VRK1: variants seen among roughly 807,000 people sequenced by gnomAD.
VRK1 encodes VRK serine/threonine kinase 1.
VRK1 carries 33 observed loss-of-function variants against 57.1 expected under a neutral mutation model. That is an observed-to-expected ratio of 0.58 (90% confidence interval 0.44 to 0.77). The LOEUF (loss-of-function observed/expected upper bound fraction) is 0.77, where lower values mean the gene tolerates loss of function less well. Among genes scored for constraint, VRK1 ranks in the 30% least tolerant of loss-of-function variants. VRK1 has a pLI of 0.00. For synonymous variants in VRK1, 137 were observed against 147.8 expected, an observed-to-expected ratio of 0.93 and a Z score of 0.53; for missense variants, 413 against 477.3, an observed-to-expected ratio of 0.87 and a Z score of 1.25.
At chr14:96,802,023 GAA>G (rs997752655) in intron 1 of VRK1, among the ~76,000 whole-genome samples, 1 of 152,042 alleles carries the variant, frequency 6.6e-6, no homozygotes, top group Non-Finnish European at 1.5e-5. Context: ...TGGGAATCAG[GAA>G]AAAAGTTTTA....
chr14:96,833,301 C>G (rs1395245343), intron 1 of VRK1, among the ~76,000 whole-genome samples, 166 bp from the exon 2 acceptor site: 1 of 152,112 alleles, frequency 6.6e-6, no homozygotes, highest in Non-Finnish European at 1.5e-5. Flanking sequence ...AAGAGATAAT[C>G]AAATAGGATT....
chr14:96,877,085 T>C (rs897318520), intron 12 of VRK1, among the ~76,000 whole-genome samples: 1 of 151,928 alleles, frequency 6.6e-6, no homozygotes, highest in African/African-American at 2.4e-5. Context: ...TTTTTTGAAT[T>C]ATTATTTTGT....
chr14:96,824,872 C>G (rs1258440974), intron 1 of VRK1, among the ~76,000 whole-genome samples: 1 of 151,940 alleles, frequency 6.6e-6, no homozygotes, highest in East Asian at 1.9e-4. Flanking sequence ...CCAGGATGGT[C>G]TCGATCTCCT....
chr14:96,802,342 A>C (rs1382442343), intron 1 of VRK1, among the ~76,000 whole-genome samples: 1 of 152,196 alleles, frequency 6.6e-6, no homozygotes, highest in African/African-American at 2.4e-5. Context: ...ATAGCTAAAA[A>C]CCAGAAACAA....
intron 11 of VRK1, among the ~76,000 whole-genome samples, chr14:96,869,198 C>A (rs970463617): frequency 2.3e-4 from 35 of 152,162 alleles, no homozygotes; most frequent in Non-Finnish European, 3.8e-4. Flanking sequence ...ATATAAAGTG[C>A]TTAGAGCAGT....
At position 96,881,319 on chromosome 14, in the gene VRK1, A is replaced by C; in HGVS notation, c.*111A>C. 1.1e-6 allele frequency: 1 copy of C among 921,066 alleles called. No individual in the cohort carries two copies. Among genetic ancestry groups the C allele is most frequent in the Non-Finnish European group, 1.7e-6 (1 of 594,438 alleles). 57.1% of individuals were successfully genotyped at this position (921,066 alleles called of 1,614,324 possible). On this transcript the variant is annotated 3_prime_UTR_variant, in exon 13 of 13. Coordinates refer to ENST00000216639, the MANE Select transcript of VRK1 (RefSeq NM_003384.3). The stretch of plus-strand genomic sequence containing the variant: ...TGAGTCTTGCGAGGTGGAAGTAATG[A>C]TTAAATACTCATGTGTTCAGAAAAC...
chr14:96,868,859 A>G (rs1268364515), intron 11 of VRK1, among the ~76,000 whole-genome samples: 1 of 148,030 alleles, frequency 6.8e-6, no homozygotes, highest in African/African-American at 2.5e-5. Flanking sequence ...CTGGAGTGCA[A>G]TGGGACGATC....
chr14:96,859,678 G>A (rs1300572318), intron 10 of VRK1, among the ~76,000 whole-genome samples: 2 of 152,072 alleles, frequency 1.3e-5, no homozygotes, highest in Non-Finnish European at 2.9e-5. Context: ...TGTGTGTGTA[G>A]AACTGATAAG....
At chr14:96,818,969 A>G (rs1004496729) in intron 1 of VRK1, among the ~76,000 whole-genome samples, 1 of 152,246 alleles carries the variant, frequency 6.6e-6, no homozygotes, top group Non-Finnish European at 1.5e-5. Flanking sequence ...AATCAAATGC[A>G]TTAATCAACT....
At chr14:96,815,783 A>T (rs1457701760) in intron 1 of VRK1, among the ~76,000 whole-genome samples, 1 of 151,804 alleles carries the variant, frequency 6.6e-6, no homozygotes, top group Non-Finnish European at 1.5e-5. Flanking sequence ...CTGTAGTCCC[A>T]GCTGCTTGGA....
At chr14:96,862,331 C>T (rs1363245815) in intron 11 of VRK1, among the ~76,000 whole-genome samples, 1 of 152,112 alleles carries the variant, frequency 6.6e-6, no homozygotes. Flanking sequence ...AAAATGAATA[C>T]TAAGTTGAAC....
intron 1 of VRK1, among the ~76,000 whole-genome samples, chr14:96,803,845 G>C (rs1885765248): frequency 6.6e-6 from 1 of 152,060 alleles, no homozygotes; most frequent in Admixed American, 6.6e-5. Context: ...TGATTTGTCT[G>C]TTCAAGTCTT....
At chr14:96,879,542 T>C (rs529160855) in intron 12 of VRK1, among the ~76,000 whole-genome samples, 3 of 152,280 alleles carry the variant, frequency 2.0e-5, no homozygotes, top group East Asian at 1.9e-4. Flanking sequence ...AAGGGAGATA[T>C]AGTATTGATT....
chr14:96,876,134 T>C lies in VRK1; in HGVS notation c.1159+14T>C, dbSNP rs1889022823. The C allele has an allele frequency of 1.2e-6, 2 of 1,613,082 alleles. No homozygotes were observed. The highest frequency in any genetic ancestry group is 2.2e-5 in the East Asian group (1 of 44,844). On this transcript the variant is annotated intron_variant, in intron 12 of 12. Transcript: ENST00000216639. ...CCATACAGACCCGTAAGTTGAACAG[T>C]TTTGCCTAGCTGCTTTCATAGGTAA...
intron 2 of VRK1, among the ~76,000 whole-genome samples, chr14:96,833,884 T>G (rs1212775757): frequency 6.6e-6 from 1 of 152,212 alleles, no homozygotes; most frequent in African/African-American, 2.4e-5. Context: ...TAAGATACTT[T>G]ATATAATCTT....
intron 1 of VRK1, among the ~76,000 whole-genome samples, chr14:96,812,052 T>A (rs976100798): frequency 2.0e-5 from 3 of 152,228 alleles, no homozygotes; most frequent in African/African-American, 7.2e-5. Flanking sequence ...ATATGTAGTG[T>A]TTTGTGACCA....
chr14:96,806,748 G>T (rs1009245667), intron 1 of VRK1, among the ~76,000 whole-genome samples: 1 of 152,092 alleles, frequency 6.6e-6, no homozygotes, highest in Non-Finnish European at 1.5e-5. Context: ...ATACCTGAAG[G>T]TATTTTTCTC....
At chr14:96,827,505 G>A (rs73357314) in intron 1 of VRK1, among the ~76,000 whole-genome samples, 4,269 of 152,020 alleles carry the variant, frequency 0.028, 195 homozygotes, top group African/African-American at 0.098. Flanking sequence ...CCAGTATCTC[G>A]TGGGCAGCAG....
At chr14:96,853,355 GT>G in intron 7 of VRK1, among the ~76,000 whole-genome samples, 189 bp downstream of exon 7, 1 of 152,102 alleles carries the variant, frequency 6.6e-6, no homozygotes. Context: ...ACTTTATCAA[GT>G]TGGCTATTTT....
Sources: gnomAD v4.1 joint callset for allele counts (sites outside exome capture counted in the v4.1 genomes callset) on GRCh38, gnomAD v4.1.1 for gene constraint, MANE v1.5 for transcripts, NCBI Gene and HGNC (gene_info 2026-07-23, HGNC 2026-07-21) for gene names.